Variants in PTPRD observed in about 807,000 individuals in gnomAD.
The protein encoded by PTPRD is protein tyrosine phosphatase receptor type D.
PTPRD carries 34 observed loss-of-function variants against 214.5 expected under a neutral mutation model. That is an observed-to-expected ratio of 0.16 (90% CI 0.12 to 0.21). PTPRD has a LOEUF of 0.21. Among genes scored for constraint, PTPRD ranks in the 10% least tolerant of loss-of-function variants. The pLI is 1.00. For synonymous variants in PTPRD, 1,128 were observed against 845.7 expected (o/e 1.33, Z -5.79); for missense variants, 2,545 against 2,398.7 (o/e 1.06, Z -1.27).
In PTPRD at chr9:10,278,155, C is replaced by CAAAAAAAAAAAAAAAAAAAAAAA. The variant is rs752887858; in HGVS notation, c.-545+62807_-545+62808insTTTTTTTTTTTTTTTTTTTTTTT. ...TGGGCGACAGAGCGAGACTCTGTCT[C>CAAAAAAAAAAAAAAAAAAAAAAA]AAAAAACAAAACAAAACAAAAGGGT... On this transcript the variant is annotated intron_variant, in intron 3 of 45. Coordinates refer to ENST00000381196, the MANE Select transcript of PTPRD (RefSeq NM_002839.4). Among the ~76,000 whole-genome samples, 224 of 144,514 alleles carry CAAAAAAAAAAAAAAAAAAAAAAA rather than the reference C, an allele frequency of 1.6e-3. 6 individuals carry two copies. The highest frequency in any genetic ancestry group is 2.8e-3 in the African/African-American group (109 of 39,124). The allele number at this position is 144,514 out of a possible 152,430, so 94.8% of individuals were successfully genotyped here.
At chr9:9,170,620 A>G (rs916585618) in intron 10 of PTPRD, among the ~76,000 whole-genome samples, 1 of 152,200 alleles carries the variant, frequency 6.6e-6, no homozygotes, top group Admixed American at 6.6e-5. Context: ...CTAATTTTCA[A>G]TGGAAGGCAA....
chr9:10,379,428 T>C (rs938679379), intron 2 of PTPRD, among the ~76,000 whole-genome samples: 1 of 151,962 alleles, frequency 6.6e-6, no homozygotes, highest in South Asian at 2.1e-4. Context: ...AAAGTTAGCA[T>C]CCTTGTTGCA....
chr9:10,186,993 C>T (rs771765810), intron 3 of PTPRD, among the ~76,000 whole-genome samples: 22 of 152,090 alleles, frequency 1.4e-4, no homozygotes, highest in African/African-American at 5.3e-4. Context: ...AGGAATTTTG[C>T]TTTAATATTT....
chr9:9,372,332 T>C (rs545509047), intron 9 of PTPRD, among the ~76,000 whole-genome samples: 5 of 152,210 alleles, frequency 3.3e-5, no homozygotes, highest in Non-Finnish European at 5.9e-5. Context: ...GGTAGTTAGC[T>C]CTTCTTGTTG....
At position 9,766,427 on chromosome 9, in the gene PTPRD, T is replaced by A. The variant is rs546947794; in HGVS notation, c.-326+383A>T. Among the ~76,000 whole-genome samples the A allele has an allele frequency of 1.4e-4, 22 of 152,338 alleles. No homozygotes were observed. The South Asian group carries it at 3.5e-3, about 24-fold the overall frequency. The stretch of plus-strand genomic sequence containing the variant: ...TCTATTTGTTCCCCCAAAACCTAGA[T>A]ACTTTTAGGTAGTTCTTGCCTGATA... On this transcript the variant is annotated intron_variant, in intron 6 of 45. Coordinates refer to ENST00000381196, the MANE Select transcript of PTPRD (RefSeq NM_002839.4).
chr9:8,750,497 G>GA (rs2093410995), intron 11 of PTPRD, among the ~76,000 whole-genome samples: 1 of 152,022 alleles, frequency 6.6e-6, no homozygotes, highest in Non-Finnish European at 1.5e-5. Context: ...GTGCTCGAAA[G>GA]AAAATTCAGC....
intron 3 of PTPRD, among the ~76,000 whole-genome samples, chr9:10,112,087 T>G (rs769149090): frequency 7.2e-5 from 11 of 152,212 alleles, no homozygotes; most frequent in Non-Finnish European, 4.4e-5. Flanking sequence ...TCCAGGTACC[T>G]GAAGGGAAGA....
chr9:8,523,851 A>G (rs1004305231), intron 18 of PTPRD, among the ~76,000 whole-genome samples: 4 of 152,204 alleles, frequency 2.6e-5, no homozygotes, highest in South Asian at 2.1e-4. Flanking sequence ...GACTTTCTTC[A>G]TATTTCCCCA....
At chr9:9,788,542 G>C (rs2098943240) in intron 5 of PTPRD, among the ~76,000 whole-genome samples, 2 of 111,998 alleles carry the variant, frequency 1.8e-5, no homozygotes, top group East Asian at 2.2e-4. Context: ...ACAGTGAGAA[G>C]CTCCGTCTCA....
chr9:8,980,198 A>G (rs1465654498), intron 11 of PTPRD, among the ~76,000 whole-genome samples: 35 of 152,212 alleles, frequency 2.3e-4, no homozygotes, highest in Non-Finnish European at 4.4e-5. Flanking sequence ...ATACACAGAG[A>G]TAGAGAGTGA....
At chr9:9,423,823 T>C (rs1462957558) in intron 8 of PTPRD, among the ~76,000 whole-genome samples, 1 of 152,166 alleles carries the variant, frequency 6.6e-6, no homozygotes, top group Non-Finnish European at 1.5e-5. Flanking sequence ...GTACAAAATA[T>C]TCTAGTTGAT....
chr9:10,372,799 G>A (rs1191709477), intron 2 of PTPRD, among the ~76,000 whole-genome samples: 1 of 150,182 alleles, frequency 6.7e-6, no homozygotes. Context: ...TAGGCCTAAA[G>A]GTAGAACCAA....
intron 2 of PTPRD, among the ~76,000 whole-genome samples, chr9:10,586,568 T>A (rs890828943): frequency 2.6e-5 from 4 of 152,102 alleles, no homozygotes; most frequent in Non-Finnish European, 5.9e-5. Context: ...ATGACAACGA[T>A]AGTAAGAATC....
chr9:8,865,898 T>C (rs998254726), intron 11 of PTPRD, among the ~76,000 whole-genome samples: 1 of 152,186 alleles, frequency 6.6e-6, no homozygotes, highest in Non-Finnish European at 1.5e-5. Flanking sequence ...GATGGATTCG[T>C]AGTTCCACGG....
chr9:9,649,259 G>T (rs914701958), intron 7 of PTPRD, among the ~76,000 whole-genome samples: 1 of 152,100 alleles, frequency 6.6e-6, no homozygotes. Context: ...TATTCCCACT[G>T]TATTGCCAAA....
intron 10 of PTPRD, among the ~76,000 whole-genome samples, chr9:9,112,015 G>T (rs758078160): frequency 6.6e-6 from 1 of 152,106 alleles, no homozygotes; most frequent in Non-Finnish European, 1.5e-5. Context: ...ACAATTTGTG[G>T]CTAGAGCCAT....
At chr9:9,599,966 A>T (rs535827727) in intron 7 of PTPRD, among the ~76,000 whole-genome samples, 1 of 152,128 alleles carries the variant, frequency 6.6e-6, no homozygotes, top group African/African-American at 2.4e-5. Flanking sequence ...TACCATCTCA[A>T]TTGTCCCCAG....
At chr9:10,402,774 G>A (rs372180170) in intron 2 of PTPRD, among the ~76,000 whole-genome samples, 1 of 151,440 alleles carries the variant, frequency 6.6e-6, no homozygotes, top group East Asian at 2.0e-4. Flanking sequence ...TTATTGAAAC[G>A]GAATTTTCTA....
intron 26 of PTPRD, among the ~76,000 whole-genome samples, chr9:8,494,183 A>G: frequency 6.6e-6 from 1 of 152,274 alleles, no homozygotes; most frequent in Non-Finnish European, 1.5e-5. Flanking sequence ...TGTGTGAAAT[A>G]CAGTAGGTTT....
Sources: gnomAD v4.1 joint callset for allele counts (sites outside exome capture counted in the v4.1 genomes callset) on GRCh38, gnomAD v4.1.1 for gene constraint, MANE v1.5 for transcripts, NCBI Gene and HGNC (gene_info 2026-07-23, HGNC 2026-07-21) for gene names.